Variants in SNCAIP observed in about 807,000 individuals in gnomAD.
SNCAIP encodes synphilin-1.
A neutral mutation model predicts 86.7 loss-of-function variants in SNCAIP; 43 were observed. The ratio of observed to expected loss-of-function variants is 0.50; its 90% CI spans 0.39 to 0.64. The LOEUF (loss-of-function observed/expected upper bound fraction) is 0.64, where lower values mean the gene tolerates loss of function less well. Ranked by LOEUF, SNCAIP falls within the 30% of genes least tolerant of loss-of-function variation. SNCAIP has a pLI of 0.00. For missense variants in SNCAIP, 981 were observed against 1,103.1 expected, an observed-to-expected ratio of 0.89 and a Z score of 1.57; for synonymous variants, 417 against 427.2, an observed-to-expected ratio of 0.98 and a Z score of 0.29.
intron 6 of SNCAIP, chr5:122,436,368 G>A (rs1779475257): frequency 6.6e-6 from 1 of 152,004 alleles, no homozygotes; most frequent in Non-Finnish European, 1.5e-5. Flanking sequence ...AATGTCGGCT[G>A]TTATCACTAT....
chr5:122,429,913 A>G (rs1191565918), intron 5 of SNCAIP, among the ~76,000 whole-genome samples: 1 of 152,142 alleles, frequency 6.6e-6, no homozygotes, highest in East Asian at 1.9e-4. Flanking sequence ...AGGGACTCAG[A>G]TGGCCAATGG....
At chr5:122,404,499 C>A (rs1213285051) in intron 3 of SNCAIP, among the ~76,000 whole-genome samples, 1 of 151,996 alleles carries the variant, frequency 6.6e-6, no homozygotes, top group Non-Finnish European at 1.5e-5. Flanking sequence ...TCAAATTAAG[C>A]TTCTCTTCTT....
At chr5:122,380,194 A>G (rs907277468) in intron 1 of SNCAIP, among the ~76,000 whole-genome samples, 6 of 152,152 alleles carry the variant, frequency 3.9e-5, no homozygotes, top group Non-Finnish European at 8.8e-5. Context: ...TTGGTAAACT[A>G]TTGATTATTG....
At chr5:122,386,352 A>G (rs1463309398) in intron 1 of SNCAIP, among the ~76,000 whole-genome samples, 5 of 152,122 alleles carry the variant, frequency 3.3e-5, no homozygotes, top group African/African-American at 4.8e-5. Context: ...GGAAACTTCT[A>G]TGGAAGGTAG....
At chr5:122,332,205 G>C (rs2152699624) in intron 1 of SNCAIP, among the ~76,000 whole-genome samples, 1 of 152,342 alleles carries the variant, frequency 6.6e-6, no homozygotes, top group East Asian at 1.9e-4. Context: ...ATATCATAAT[G>C]ATGTGTCATC....
intron 1 of SNCAIP, among the ~76,000 whole-genome samples, chr5:122,327,727 C>CA: frequency 6.6e-6 from 1 of 152,180 alleles, no homozygotes; most frequent in Non-Finnish European, 1.5e-5. Context: ...TACCCAGTCT[C>CA]AGATAGTTCT....
chr5:122,423,638 C>G lies in SNCAIP; in HGVS notation c.901C>G (p.Leu301Val), dbSNP rs1412542099. 1.9e-6 allele frequency: 3 copies of G among 1,613,046 alleles called. No homozygotes were observed. The African/African-American group carries it at 4.0e-5, about 22-fold the overall frequency. ...CAAACCAGAAGAGCAGGTCAGTGGC[C>G]TAAACCGGACCAGCTCCCAAGGCCC... Reference protein sequence around the residue: ...ESKPEEQVSGLNRTSSQGPEE... With the variant: ...ESKPEEQVSGVNRTSSQGPEE... The change falls in exon 4 of 11, where the codon CTA (leucine) becomes GTA (valine). Residue 301 changes from leucine to valine, a missense_variant. Coordinates refer to ENST00000261368, the MANE Select transcript of SNCAIP (RefSeq NM_005460.4).
At chr5:122,424,006 C>T (rs1455512119) in intron 4 of SNCAIP, among the ~76,000 whole-genome samples, 1 of 152,154 alleles carries the variant, frequency 6.6e-6, no homozygotes, top group African/African-American at 2.4e-5. Context: ...TCAAAGAGAG[C>T]CCGGCACTTT....
rs541455213 is a variant in SNCAIP at position 122,320,881 on chromosome 5, C to T, written c.-47+8597C>T. On this transcript the variant is annotated intron_variant, in intron 1 of 10. Coordinates refer to ENST00000261368, the MANE Select transcript of SNCAIP (RefSeq NM_005460.4). ...TCGTGGCCTTTATATTCTGGTCTCT[C>T]TTGCTGCAAATGAGTCCGGCAGGCA... Among the ~76,000 whole-genome samples, 3 of 152,300 alleles carry T rather than the reference C, an allele frequency of 2.0e-5. No individual in the cohort carries two copies. The East Asian group carries it at 5.8e-4, about 29-fold the overall frequency.
intron 1 of SNCAIP, among the ~76,000 whole-genome samples, chr5:122,318,122 G>C (rs181235444): frequency 6.6e-6 from 1 of 152,204 alleles, no homozygotes; most frequent in Admixed American, 6.5e-5. Flanking sequence ...GCCTCCTCCT[G>C]TGGGTGCAGG....
At chr5:122,400,908 A>G in intron 2 of SNCAIP, 1 of 1,389,086 alleles carries the variant, frequency 7.2e-7, no homozygotes, top group Non-Finnish European at 9.5e-7. Flanking sequence ...ACTTCTAGAA[A>G]AAGAATAAAT....
chr5:122,362,082 A>G (rs1762321602), intron 1 of SNCAIP, among the ~76,000 whole-genome samples: 1 of 152,200 alleles, frequency 6.6e-6, no homozygotes, highest in Admixed American at 6.5e-5. Flanking sequence ...ATTAACTGAA[A>G]TAGTGGAGTC....
At chr5:122,324,676 G>A (rs1252648209) in intron 1 of SNCAIP, among the ~76,000 whole-genome samples, 1 of 152,200 alleles carries the variant, frequency 6.6e-6, no homozygotes, top group African/African-American at 2.4e-5. Flanking sequence ...GAGGCAAGGT[G>A]CTGTCAAACA....
At chr5:122,441,430 A>G (rs889709046) in intron 7 of SNCAIP, among the ~76,000 whole-genome samples, 1 of 152,224 alleles carries the variant, frequency 6.6e-6, no homozygotes, top group African/African-American at 2.4e-5. Flanking sequence ...TGTCATATCC[A>G]GTGTGTACAA....
rs553726348 is a variant in SNCAIP, at chr5:122,441,203, T to C, written c.1422+449T>C. On this transcript the variant is annotated intron_variant, in intron 7 of 10. Coordinates refer to ENST00000261368, the MANE Select transcript of SNCAIP (RefSeq NM_005460.4). ...GGATTAGAATTCTTTGTGTAGGGAG[T>C]TGTAGGCTAGAGAGAGAATGCTGTA... The C allele has an allele frequency of 2.7e-5, 5 of 186,892 alleles. No homozygotes were observed. The South Asian group carries it at 3.4e-4, about 13-fold the overall frequency. The allele number at this position is 186,892 out of a possible 1,614,324, so 11.6% of individuals were successfully genotyped here.
At chr5:122,463,128 A>G (rs1165497414) in intron 10 of SNCAIP, among the ~76,000 whole-genome samples, 1 of 152,230 alleles carries the variant, frequency 6.6e-6, no homozygotes, top group Non-Finnish European at 1.5e-5. Flanking sequence ...GAATCTATCT[A>G]AATAAAATAA....
intron 1 of SNCAIP, among the ~76,000 whole-genome samples, chr5:122,352,179 C>A (rs962726557): frequency 2.0e-5 from 3 of 152,178 alleles, no homozygotes; most frequent in South Asian, 4.1e-4. Context: ...AAAACGAGTT[C>A]TTGTGTTATC....
chr5:122,331,410 GA>G (rs1651348881), intron 1 of SNCAIP, among the ~76,000 whole-genome samples: 1 of 152,156 alleles, frequency 6.6e-6, no homozygotes, highest in Non-Finnish European at 1.5e-5. Flanking sequence ...AAGTTCAGAA[GA>G]TATAATTAGT....
At chr5:122,341,915 T>G (rs553484717) in intron 1 of SNCAIP, among the ~76,000 whole-genome samples, 76 of 152,310 alleles carry the variant, frequency 5.0e-4, no homozygotes, top group African/African-American at 1.7e-3. Context: ...ACTTCTTGAT[T>G]ATGTCATGGA....
Sources: gnomAD v4.1 joint callset for allele counts (sites outside exome capture counted in the v4.1 genomes callset) on GRCh38, gnomAD v4.1.1 for gene constraint, MANE v1.5 for transcripts, NCBI Gene and HGNC (gene_info 2026-07-23, HGNC 2026-07-21) for gene names.